The following RASA3 variants were observed in gnomAD, a reference collection of about 807,000 sequenced individuals.
The protein encoded by RASA3 is ras GTPase-activating protein 3.
A neutral mutation model predicts 110.0 loss-of-function variants in RASA3; 73 were observed. That is an observed-to-expected ratio of 0.66 (90% CI 0.55 to 0.81). The LOEUF (loss-of-function observed/expected upper bound fraction) is 0.81, where lower values mean the gene tolerates loss of function less well. Ranked by LOEUF, RASA3 falls within the 30% of genes least tolerant of loss-of-function variation. The pLI, the probability that RASA3 is intolerant of heterozygous loss-of-function variation, is 0.00. For missense variants in RASA3, 976 were observed against 1,113.2 expected (o/e 0.88, Z 1.75); for synonymous variants, 500 against 451.4 (o/e 1.11, Z -1.37).
intron 1 of RASA3, among the ~76,000 whole-genome samples, chr13:114,104,373 C>T (rs775143497): frequency 1.3e-5 from 2 of 150,996 alleles, no homozygotes; most frequent in Non-Finnish European, 3.0e-5. Context: ...CCACACTGCC[C>T]CAGCCACAGA....
intron 9 of RASA3, among the ~76,000 whole-genome samples, chr13:114,019,607 G>GT (rs1284623799): frequency 1.3e-5 from 2 of 150,648 alleles, no homozygotes; most frequent in African/African-American, 4.9e-5. Flanking sequence ...GGTGGAGCCC[G>GT]TGTCCGAGAC....
chr13:114,059,520 G>A (rs779779645), intron 2 of RASA3, among the ~76,000 whole-genome samples: 7 of 152,222 alleles, frequency 4.6e-5, no homozygotes, highest in Non-Finnish European at 1.0e-4. Context: ...ACGTTTCAAC[G>A]CTGCCTTGCC....
chr13:114,117,289 TGAG>T (rs1261770057), intron 1 of RASA3, among the ~76,000 whole-genome samples: 5 of 89,768 alleles, frequency 5.6e-5, no homozygotes, highest in African/African-American at 1.9e-4. Flanking sequence ...TGCATGTGTG[TGAG>T]GAGAGCACGT....
At chr13:114,093,189 AT>A (rs2079906911) in intron 1 of RASA3, among the ~76,000 whole-genome samples, 1 of 152,244 alleles carries the variant, frequency 6.6e-6, no homozygotes, top group Non-Finnish European at 1.5e-5. Context: ...TGACAATCAC[AT>A]TAGCATCCTT....
chr13:114,053,171 G>A (rs535275137), intron 2 of RASA3, among the ~76,000 whole-genome samples: 3 of 152,252 alleles, frequency 2.0e-5, no homozygotes, highest in East Asian at 3.9e-4. Context: ...CTGCCCAGCC[G>A]CCCTAGCTCC....
intron 3 of RASA3, among the ~76,000 whole-genome samples, chr13:114,049,167 C>T (rs2079102919): frequency 6.6e-6 from 1 of 152,130 alleles, no homozygotes; most frequent in African/African-American, 2.4e-5. Context: ...TTCCTCAGGG[C>T]GTGGGCGGCT....
chr13:114,045,630 C>T (rs1333674379), intron 3 of RASA3, among the ~76,000 whole-genome samples: 1 of 151,212 alleles, frequency 6.6e-6, no homozygotes, highest in Non-Finnish European at 1.5e-5. Context: ...ATAGAATGTA[C>T]AAAAAAAAAT....
chr13:114,024,357 T>C lies in RASA3; in HGVS notation c.604-2A>G. The C allele has an allele frequency of 6.2e-7, 1 of 1,613,470 alleles. No individual in the cohort carries two copies. Among genetic ancestry groups the C allele is most frequent in the Non-Finnish European group, 8.5e-7 (1 of 1,179,614 alleles). ...GCTGTAGCTACAGGGCCGGGTCACC[T>C]GGAGTCAGACGAGAGAGAAAGCGCT... On this transcript the variant is annotated splice_acceptor_variant, in intron 7 of 23. Transcript: ENST00000334062. LOFTEE classifies it high-confidence loss of function.
chr13:114,040,628 G>A (rs1441473929), intron 4 of RASA3, among the ~76,000 whole-genome samples: 2 of 135,132 alleles, frequency 1.5e-5, no homozygotes, highest in African/African-American at 3.0e-5. Flanking sequence ...GGGCGAACAC[G>A]CACAACCCAA....
intron 4 of RASA3, among the ~76,000 whole-genome samples, chr13:114,030,205 C>T (rs1370389769): frequency 6.6e-6 from 1 of 152,248 alleles, no homozygotes; most frequent in Non-Finnish European, 1.5e-5. Flanking sequence ...AAGCAGACCC[C>T]CAAAGGCTCT....
At chr13:114,067,606 T>C (rs1166159259) in intron 2 of RASA3, among the ~76,000 whole-genome samples, 2 of 152,220 alleles carry the variant, frequency 1.3e-5, no homozygotes, top group Non-Finnish European at 2.9e-5. Context: ...TGTGGAGACA[T>C]TTCTTGGTTT....
intron 4 of RASA3, among the ~76,000 whole-genome samples, chr13:114,037,649 T>G (rs1192119197): frequency 6.6e-6 from 1 of 152,224 alleles, no homozygotes; most frequent in Admixed American, 6.5e-5. Context: ...ATTGGACATT[T>G]TAAATGGTTA....
At chr13:113,997,530 TGGGACAGGGGTCCTGTGATTGGA>T (rs144850525) in intron 20 of RASA3, among the ~76,000 whole-genome samples, 15,214 of 150,080 alleles carry the variant, frequency 0.1, 984 homozygotes, top group Middle Eastern at 0.16. Flanking sequence ...CTGGGGCAGG[TGGGACAGGGGTCCTGTGATTGGA>T]GGGACAGGTC....
chr13:113,980,030 G>GTGTGCACCTCTGTGTGCCTCC (rs2052876630), intron 23 of RASA3, among the ~76,000 whole-genome samples: 2 of 127,528 alleles, frequency 1.6e-5, no homozygotes, highest in Non-Finnish European at 3.4e-5. Flanking sequence ...GTGTGCACCT[G>GTGTGCACCTCTGTGTGCCTCC]TGTGTGCACC....
intron 4 of RASA3, among the ~76,000 whole-genome samples, chr13:114,033,195 C>T (rs1594358265): frequency 1.2e-5 from 1 of 84,018 alleles, no homozygotes. Flanking sequence ...CACCCCCACA[C>T]TGACACCACG....
At chr13:114,013,450 TC>T (rs201436973) in intron 14 of RASA3, among the ~76,000 whole-genome samples, 60 of 97,340 alleles carry the variant, frequency 6.2e-4, no homozygotes, top group Non-Finnish European at 7.7e-4. Context: ...TCTCTGTCTC[TC>T]CCCCTTTGTC....
intron 3 of RASA3, among the ~76,000 whole-genome samples, chr13:114,050,192 G>A (rs540102863): frequency 4.9e-4 from 74 of 152,314 alleles, no homozygotes; most frequent in African/African-American, 1.7e-3. Context: ...CAGACACTGA[G>A]CAAGGGGGTG....
At chr13:113,998,292 C>T (rs958637963) in intron 20 of RASA3, among the ~76,000 whole-genome samples, 1 of 151,976 alleles carries the variant, frequency 6.6e-6, no homozygotes, top group East Asian at 1.9e-4. Flanking sequence ...TCCCAGCCCT[C>T]CTCTTCCCAG....
intron 18 of RASA3, among the ~76,000 whole-genome samples, chr13:114,002,829 C>CGCG (rs2053435380): frequency 1.3e-5 from 2 of 152,180 alleles, no homozygotes; most frequent in African/African-American, 4.8e-5. Flanking sequence ...GAGGCAGGAG[C>CGCG]CACGGCTAAG....
Sources: gnomAD v4.1 joint callset for allele counts (sites outside exome capture counted in the v4.1 genomes callset) on GRCh38, gnomAD v4.1.1 for gene constraint, MANE v1.5 for transcripts, NCBI Gene and HGNC (gene_info 2026-07-23, HGNC 2026-07-21) for gene names.